RHOBTB1: variants seen among roughly 807,000 people sequenced by gnomAD.
RHOBTB1 encodes rho-related BTB domain-containing protein 1.
RHOBTB1 carries 40 observed loss-of-function variants against 71.6 expected under a neutral mutation model. That is an observed-to-expected ratio of 0.56 (90% CI 0.43 to 0.73). The LOEUF is 0.73. Ranked by LOEUF, RHOBTB1 falls within the 30% of genes least tolerant of loss-of-function variation. The pLI is 0.00. For synonymous variants in RHOBTB1, 319 were observed against 334.9 expected, an observed-to-expected ratio of 0.95 and a Z score of 0.52; for missense variants, 797 against 894.0, an observed-to-expected ratio of 0.89 and a Z score of 1.38.
intron 2 of RHOBTB1, among the ~76,000 whole-genome samples, chr10:60,974,553 G>A (rs924268171): frequency 6.6e-6 from 1 of 152,010 alleles, no homozygotes; most frequent in African/African-American, 2.4e-5. Context: ...AGATTGGGGG[G>A]TCAGTACAGA....
At chr10:60,863,362 T>A in the RHOBTB1 span, among the ~76,000 whole-genome samples, 6 of 152,220 alleles carry the variant, frequency 3.9e-5, no homozygotes, top group Non-Finnish European at 7.3e-5. Flanking sequence ...TTTTTTTGTT[T>A]TTACACAGTG....
At chr10:60,976,593 A>G (rs2086323787) in intron 2 of RHOBTB1, among the ~76,000 whole-genome samples, 1 of 152,026 alleles carries the variant, frequency 6.6e-6, no homozygotes, top group African/African-American at 2.4e-5. Flanking sequence ...TTAAAGATTC[A>G]GTTTTTAAAA....
At chr10:60,915,830 C>T (rs2083242901) in intron 2 of RHOBTB1, among the ~76,000 whole-genome samples, 1 of 152,188 alleles carries the variant, frequency 6.6e-6, no homozygotes, top group African/African-American at 2.4e-5. Context: ...GCCCACACAG[C>T]GTTCTTGGGC....
rs2132146791 is a variant in RHOBTB1, at chr10:60,871,319, TTTGATCCTAACAAAGATAAATG to T, written c.*141_*162del. On this transcript the variant is annotated 3_prime_UTR_variant, in exon 11 of 11. Coordinates refer to ENST00000337910, the MANE Select transcript of RHOBTB1 (RefSeq NM_014836.5). ...AGGCTCATTGATGGTGAGCTTGTGC[TTTGATCCTAACAAAGATAAATG>T]CACAAAAGTGGAGGAAGATCAGTGC... 1 of 649,852 alleles carries T rather than the reference TTTGATCCTAACAAAGATAAATG, an allele frequency of 1.5e-6. No homozygotes were observed. Among genetic ancestry groups the T allele is most frequent in the South Asian group, 2.3e-5 (1 of 43,302 alleles). The allele number at this position is 649,852 out of a possible 1,614,324, so 40.3% of individuals were successfully genotyped here.
Position 60,909,943 on chromosome 10 carries a change from C to T in RHOBTB1, c.296+944G>A, listed in dbSNP as rs56057594. 9.5e-3 allele frequency among the ~76,000 whole-genome samples: 1,439 copies of T among 152,174 alleles called. 9 individuals carry two copies. The highest frequency in any genetic ancestry group is 0.034 in the Middle Eastern group (10 of 294). On this transcript the variant is annotated intron_variant, in intron 4 of 10. Coordinates refer to ENST00000337910, the MANE Select transcript of RHOBTB1 (RefSeq NM_014836.5). ...ACTTAGATAAATGACAATAAAAGTC[C>T]GTTCAAAGAGCTACTGGCTTGTAGA...
At chr10:60,883,681 A>G (rs2081432786) in intron 7 of RHOBTB1, among the ~76,000 whole-genome samples, 1 of 152,212 alleles carries the variant, frequency 6.6e-6, no homozygotes, top group Non-Finnish European at 1.5e-5. Context: ...TTCTGGATAC[A>G]AGAGGTAAAG....
At chr10:60,937,881 T>C (rs1431769650) in intron 2 of RHOBTB1, among the ~76,000 whole-genome samples, 1 of 152,196 alleles carries the variant, frequency 6.6e-6, no homozygotes, top group African/African-American at 2.4e-5. Flanking sequence ...GAGCTAACCC[T>C]TACTGAGCAC....
chr10:60,934,252 C>G (rs754469131), intron 2 of RHOBTB1, among the ~76,000 whole-genome samples: 31 of 152,324 alleles, frequency 2.0e-4, no homozygotes, highest in Admixed American at 5.9e-4. Context: ...TGGTAGGGAA[C>G]AGGCTTGCTG....
chr10:60,875,065 G>A, intron 8 of RHOBTB1, 23 bp from the exon 9 acceptor site: 1 of 1,600,656 alleles, frequency 6.2e-7, no homozygotes, highest in Non-Finnish European at 8.6e-7. Flanking sequence ...GAGGGGGCAG[G>A]AGAACATTAA....
At chr10:60,891,412 C>A (rs1589211093) in intron 5 of RHOBTB1, among the ~76,000 whole-genome samples, 2 of 136,840 alleles carry the variant, frequency 1.5e-5, no homozygotes, top group African/African-American at 5.6e-5. Flanking sequence ...GCAATCATGG[C>A]CCACTGCAGC....
At chr10:60,901,091 A>T (rs1484470619) in intron 4 of RHOBTB1, among the ~76,000 whole-genome samples, 1 of 152,248 alleles carries the variant, frequency 6.6e-6, no homozygotes, top group Non-Finnish European at 1.5e-5. Context: ...TGCACAGACC[A>T]TCTTGCTTTT....
chr10:60,907,511 TG>T (rs2082738112), intron 4 of RHOBTB1, among the ~76,000 whole-genome samples: 1 of 152,078 alleles, frequency 6.6e-6, no homozygotes, highest in African/African-American at 2.4e-5. Flanking sequence ...AAGTAGGTGG[TG>T]GAAAAAAGGC....
chr10:60,913,413 GTC>G (rs1157159899), intron 2 of RHOBTB1, among the ~76,000 whole-genome samples: 1 of 152,172 alleles, frequency 6.6e-6, no homozygotes, highest in East Asian at 1.9e-4. Flanking sequence ...GGGAAAAAGA[GTC>G]TTTAAAAATC....
chr10:60,991,112 A>G (rs2086848293), intron 1 of RHOBTB1, among the ~76,000 whole-genome samples: 1 of 152,220 alleles, frequency 6.6e-6, no homozygotes, highest in African/African-American at 2.4e-5. Flanking sequence ...CCTTTAGGCC[A>G]GGGTATCACT....
chr10:60,862,656 TTTC>T, the RHOBTB1 span, among the ~76,000 whole-genome samples: 1,162 of 149,962 alleles, frequency 7.7e-3, 19 homozygotes, highest in African/African-American at 0.028. Context: ...CCCTTTCTTT[TTTC>T]TTTTTTTCTT....
At chr10:60,984,078 T>C in intron 2 of RHOBTB1, among the ~76,000 whole-genome samples, 1 of 152,230 alleles carries the variant, frequency 6.6e-6, no homozygotes, top group Non-Finnish European at 1.5e-5. Context: ...TGTTCCTCAG[T>C]ATTAAAATTA....
chr10:60,982,336 T>C (rs2086525224), intron 2 of RHOBTB1, among the ~76,000 whole-genome samples: 1 of 152,216 alleles, frequency 6.6e-6, no homozygotes, highest in Non-Finnish European at 1.5e-5. Flanking sequence ...TCAGTACGGA[T>C]ACCATTTAGG....
chr10:60,939,196 T>G (rs948668012), intron 2 of RHOBTB1, among the ~76,000 whole-genome samples: 2 of 152,166 alleles, frequency 1.3e-5, no homozygotes, highest in South Asian at 2.1e-4. Context: ...GTGATGTATT[T>G]GATGACAGAG....
chr10:60,934,230 C>CATAAAGTAGGGAACAGGCT (rs1458518923), intron 2 of RHOBTB1, among the ~76,000 whole-genome samples: 3 of 152,192 alleles, frequency 2.0e-5, no homozygotes, highest in Non-Finnish European at 4.4e-5. Context: ...TTTATGTGAA[C>CATAAAGTAGGGAACAGGCT]TGCCTTTCAT....
Sources: gnomAD v4.1 joint callset for allele counts (sites outside exome capture counted in the v4.1 genomes callset) on GRCh38, gnomAD v4.1.1 for gene constraint, MANE v1.5 for transcripts, NCBI Gene and HGNC (gene_info 2026-07-23, HGNC 2026-07-21) for gene names.